The following PTGFR variants were observed in gnomAD, a reference collection of about 807,000 sequenced individuals.
The protein encoded by PTGFR is prostaglandin F receptor, also known as prostaglandin F2-alpha receptor.
PTGFR carries 15 observed loss-of-function variants against 26.2 expected under a neutral mutation model. The ratio of observed to expected loss-of-function variants is 0.57; its 90% confidence interval spans 0.38 to 0.88. The LOEUF is 0.88. Among genes scored for constraint, PTGFR ranks in the 40% least tolerant of loss-of-function variants. The pLI, the probability that PTGFR is intolerant of heterozygous loss-of-function variation, is 0.00. For synonymous variants in PTGFR, 165 were observed against 151.1 expected (o/e 1.09, Z -0.68); for missense variants, 369 against 427.2 (o/e 0.86, Z 1.20).
At position 78,538,471 on chromosome 1, in the gene PTGFR, T is replaced by A. The variant is rs1650710874; in HGVS notation, c.*1784T>A. 1 of 151,658 alleles carries A rather than the reference T, an allele frequency of 6.6e-6. No individual in the cohort carries two copies. Among genetic ancestry groups the A allele is most frequent in the Non-Finnish European group, 1.5e-5 (1 of 67,938 alleles). The allele number at this position is 151,658 out of a possible 1,614,324, so 9.4% of individuals were successfully genotyped here. ...GGGTTATCTATGTTATCTGAGTATATGTTTGGGTAACCAAATTGGTCTTAA... is the reference window on the plus strand; with the variant it reads ...GGGTTATCTATGTTATCTGAGTATAAGTTTGGGTAACCAAATTGGTCTTAA... On this transcript the variant is annotated 3_prime_UTR_variant, in exon 3 of 3. Coordinates refer to ENST00000370757, the MANE Select transcript of PTGFR (RefSeq NM_000959.4).
intron 2 of PTGFR, among the ~76,000 whole-genome samples, chr1:78,509,159 T>C (rs1012370149): frequency 6.6e-6 from 1 of 152,178 alleles, no homozygotes; most frequent in Non-Finnish European, 1.5e-5. Flanking sequence ...CTGGTAGCTG[T>C]TTCAGTTCTG....
chr1:78,509,966 A>G (rs1460754974), intron 2 of PTGFR, among the ~76,000 whole-genome samples: 4 of 152,134 alleles, frequency 2.6e-5, no homozygotes, highest in African/African-American at 9.7e-5. Context: ...CTTCTCTTGG[A>G]CTTCTTGGGT....
chr1:78,492,825 C>A lies in PTGFR; in HGVS notation c.82C>A (p.Leu28Ile). Reference sequence around the variant, plus strand: ...CACAACCTGCCAGACGGAAAACCGGCTTTCCGTATTTTTTTCAGTAATCTT... The same window carrying A: ...CACAACCTGCCAGACGGAAAACCGGATTTCCGTATTTTTTTCAGTAATCTT... ...SNTTCQTENR[L>I]SVFFSVIFMT... is the part of the protein sequence containing the mutation. The change falls in exon 2 of 3, where the codon CTT becomes ATT. Residue 28 changes from leucine to isoleucine, a missense_variant. Leu to Ile is a conservative substitution (Grantham distance 5, BLOSUM62 2). Transcript: ENST00000370757. 1.2e-6 allele frequency: 2 copies of A among 1,614,180 alleles called. No individual in the cohort carries two copies. The highest frequency in any genetic ancestry group is 1.7e-6 in the Non-Finnish European group (2 of 1,180,022).
chr1:78,528,684 A>G (rs528421390), intron 2 of PTGFR, among the ~76,000 whole-genome samples: 1 of 152,240 alleles, frequency 6.6e-6, no homozygotes, highest in South Asian at 2.1e-4. Context: ...CTTCTCATTT[A>G]AAACTCCCAT....
rs761848320 is a variant in PTGFR, at chr1:78,492,832, T to A, written c.89T>A (p.Val30Glu). 1 of 1,614,222 alleles carries A rather than the reference T, an allele frequency of 6.2e-7. No individual in the cohort carries two copies. Among genetic ancestry groups the A allele is most frequent in the Non-Finnish European group, 8.5e-7 (1 of 1,180,036 alleles). Reference sequence around the variant, plus strand: ...TGCCAGACGGAAAACCGGCTTTCCGTATTTTTTTCAGTAATCTTCATGACA... The same window carrying A: ...TGCCAGACGGAAAACCGGCTTTCCGAATTTTTTTCAGTAATCTTCATGACA... ...TTCQTENRLS[V>E]FFSVIFMTVG... Residue 30 changes from valine (V) to glutamate (E), a missense_variant, in exon 2 of 3, where the codon GTA (valine) becomes GAA (glutamate). Val to Glu is a moderately radical substitution (Grantham distance 121). Transcript: ENST00000370757.
At chr1:78,499,487 G>C (rs184538847) in intron 2 of PTGFR, among the ~76,000 whole-genome samples, 12 of 152,308 alleles carry the variant, frequency 7.9e-5, no homozygotes, top group Admixed American at 7.8e-4. Context: ...TCTGCCAAAT[G>C]AATCTTATGT....
intron 2 of PTGFR, among the ~76,000 whole-genome samples, chr1:78,503,049 A>T (rs1377611986): frequency 6.6e-6 from 1 of 152,178 alleles, no homozygotes; most frequent in Non-Finnish European, 1.5e-5. Context: ...AAGTCAATTA[A>T]TGTAAGCTGT....
chr1:78,530,386 A>G (rs1472396085), intron 2 of PTGFR, among the ~76,000 whole-genome samples: 1 of 152,172 alleles, frequency 6.6e-6, no homozygotes, highest in East Asian at 1.9e-4. Flanking sequence ...TTTTTTAAAA[A>G]GATGCTAGTA....
At chr1:78,523,821 A>AGTTGGGGT (rs1336298056) in intron 2 of PTGFR, among the ~76,000 whole-genome samples, 1 of 152,060 alleles carries the variant, frequency 6.6e-6, no homozygotes, top group East Asian at 1.9e-4. Flanking sequence ...TCTGCATTTC[A>AGTTGGGGT]CTGTTTAAAG....
intron 2 of PTGFR, among the ~76,000 whole-genome samples, chr1:78,512,173 C>T (rs1458075769): frequency 6.6e-6 from 1 of 152,194 alleles, no homozygotes; most frequent in Non-Finnish European, 1.5e-5. Flanking sequence ...TTGAGCCCTC[C>T]AAACTCTTCC....
At chr1:78,524,803 C>A (rs1335597348) in intron 2 of PTGFR, among the ~76,000 whole-genome samples, 1 of 150,122 alleles carries the variant, frequency 6.7e-6, no homozygotes, top group East Asian at 2.0e-4. Flanking sequence ...CTTTCCAGTT[C>A]TAACCTTCTG....
chr1:78,500,079 T>C (rs1649665128), intron 2 of PTGFR, among the ~76,000 whole-genome samples: 1 of 152,184 alleles, frequency 6.6e-6, no homozygotes, highest in Non-Finnish European at 1.5e-5. Context: ...TTTGGTATTT[T>C]ATCTCTGAGA....
At chr1:78,517,326 T>C (rs1222926845) in intron 2 of PTGFR, among the ~76,000 whole-genome samples, 1 of 152,126 alleles carries the variant, frequency 6.6e-6, no homozygotes, top group African/African-American at 2.4e-5. Flanking sequence ...CCTTCTCTTA[T>C]GGGTTACGGT....
At chr1:78,521,671 T>G (rs945560074) in intron 2 of PTGFR, among the ~76,000 whole-genome samples, 2 of 152,140 alleles carry the variant, frequency 1.3e-5, no homozygotes, top group Non-Finnish European at 2.9e-5. Flanking sequence ...TCTTTTCTCC[T>G]GATTCTTATA....
intron 2 of PTGFR, among the ~76,000 whole-genome samples, chr1:78,521,437 C>T (rs562095437): frequency 1.6e-4 from 25 of 152,076 alleles, no homozygotes; most frequent in Non-Finnish European, 2.8e-4. Flanking sequence ...TTGACTATGA[C>T]CATTGATAGG....
chr1:78,495,540 T>A (rs1426623452), intron 2 of PTGFR, among the ~76,000 whole-genome samples: 1 of 152,242 alleles, frequency 6.6e-6, no homozygotes, highest in Non-Finnish European at 1.5e-5. Context: ...CAATGAAGGT[T>A]GTGTCTCTGG....
chr1:78,517,329 GT>G (rs1346240718), intron 2 of PTGFR, among the ~76,000 whole-genome samples: 1 of 152,130 alleles, frequency 6.6e-6, no homozygotes, highest in Non-Finnish European at 1.5e-5. Context: ...TCTCTTATGG[GT>G]TACGGTCTTC....
chr1:78,500,274 G>A (rs1299934995), intron 2 of PTGFR, among the ~76,000 whole-genome samples: 1 of 152,136 alleles, frequency 6.6e-6, no homozygotes, highest in African/African-American at 2.4e-5. Flanking sequence ...ACTGCTATCA[G>A]ACTAAAAGAT....
intron 2 of PTGFR, 75 bp from the exon 3 acceptor site, chr1:78,536,331 G>A (rs968784895): frequency 7.1e-7 from 1 of 1,399,584 alleles, no homozygotes; most frequent in African/African-American, 1.4e-5. Flanking sequence ...ATGTCATCTA[G>A]CATAGCTAAT....
Sources: allele counts gnomAD v4.1 joint callset (sites outside exome capture counted in the v4.1 genomes callset), GRCh38; gene constraint gnomAD v4.1.1; transcripts MANE v1.5; gene names NCBI Gene and HGNC (gene_info 2026-07-23, HGNC 2026-07-21).